Variants in EBF4 observed in about 807,000 individuals in gnomAD.
EBF4 encodes the protein transcription factor COE4.
In EBF4, 34 loss-of-function variants were observed where a neutral mutation model predicts 67.1. The ratio of observed to expected loss-of-function variants is 0.51; its 90% CI spans 0.39 to 0.67. The LOEUF (loss-of-function observed/expected upper bound fraction) is 0.67, where lower values mean the gene tolerates loss of function less well. Ranked by LOEUF, EBF4 falls within the 30% of genes least tolerant of loss-of-function variation. The probability of loss-of-function intolerance (pLI) is 0.00; values close to 1 mark genes in which losing one functional copy is unlikely to be tolerated. For synonymous variants in EBF4, 387 were observed against 377.7 expected (o/e 1.02, Z -0.29); for missense variants, 837 against 873.3 (o/e 0.96, Z 0.52).
At position 2,755,930 on chromosome 20, in the gene EBF4, G is replaced by A; in HGVS notation, c.1738+106G>A. 1.8e-6 allele frequency: 2 copies of A among 1,134,462 alleles called. No homozygotes were observed. Among genetic ancestry groups the A allele is most frequent in the South Asian group, 1.6e-5 (1 of 63,406 alleles). The allele number at this position is 1,134,462 out of a possible 1,614,324, so 70.3% of individuals were successfully genotyped here. On this transcript the variant is annotated intron_variant, in intron 15 of 16. Coordinates refer to ENST00000609451, the Ensembl canonical transcript of EBF4. This position sits in a 1 kb window ranked among gnomAD's most constrained non-coding sequence, Gnocchi z 4.7. ...CACATCTCACCAGTGCCTCATGCTG[G>A]CTAACCTGCTCTTCTTGGAGGACGG...
chr20:2,716,525 G>A (rs558967367), intron 6 of EBF4, among the ~76,000 whole-genome samples: 38 of 133,250 alleles, frequency 2.9e-4, no homozygotes, highest in Admixed American at 6.5e-4. Context: ...GTGAAACTCC[G>A]TCTCAAAAAA....
intron 1 of EBF4, among the ~76,000 whole-genome samples, chr20:2,701,514 G>A (rs1375196364): frequency 1.3e-5 from 2 of 152,250 alleles, no homozygotes; most frequent in African/African-American, 2.4e-5. Flanking sequence ...GGGGCAGCCA[G>A]GACCCAGCAA....
chr20:2,730,963 A>G (rs932943542), intron 6 of EBF4, among the ~76,000 whole-genome samples: 3 of 152,118 alleles, frequency 2.0e-5, no homozygotes, highest in Non-Finnish European at 2.9e-5. Context: ...CAGTGGCGCA[A>G]TCTCGGCTCA....
At chr20:2,733,743 C>T (rs1032343961) in intron 6 of EBF4, among the ~76,000 whole-genome samples, 14 of 150,576 alleles carry the variant, frequency 9.3e-5, no homozygotes, top group African/African-American at 2.9e-4. Flanking sequence ...TTTTGGCTTC[C>T]GTGGGCCATA....
intron 6 of EBF4, among the ~76,000 whole-genome samples, chr20:2,722,789 T>G (rs2087699128): frequency 6.6e-6 from 1 of 152,244 alleles, no homozygotes; most frequent in Non-Finnish European, 1.5e-5. Flanking sequence ...TTTTGTTTTG[T>G]TTTCAGGATA....
At chr20:2,744,492 C>CTTTTTTTTTTTTTTTTT (rs35298353) in intron 6 of EBF4, among the ~76,000 whole-genome samples, 2 of 115,892 alleles carry the variant, frequency 1.7e-5, no homozygotes, top group African/African-American at 6.7e-5. Context: ...TTTTTCTTTT[C>CTTTTTTTTTTTTTTTTT]TTTTTTTTTT....
intron 6 of EBF4, among the ~76,000 whole-genome samples, chr20:2,724,058 A>G (rs1367889750): frequency 6.6e-6 from 1 of 152,242 alleles, no homozygotes; most frequent in African/African-American, 2.4e-5. Context: ...CTAATATTAC[A>G]GTTTTTAGCA....
At chr20:2,725,135 A>T (rs1045474655) in intron 6 of EBF4, among the ~76,000 whole-genome samples, 1 of 152,126 alleles carries the variant, frequency 6.6e-6, no homozygotes, top group Non-Finnish European at 1.5e-5. Context: ...GTCTCTCCTA[A>T]TGTTACATCT....
In EBF4 at chr20:2,751,071, G is replaced by C. The variant is rs932171021; in HGVS notation, c.1019-629G>C. On this transcript the variant is annotated intron_variant, in intron 10 of 16. Coordinates refer to ENST00000609451, the Ensembl canonical transcript of EBF4. The surrounding 1 kb of genome is among the most constrained non-coding windows in gnomAD (Gnocchi z 5.2). ...AAGGGCGTGGGGAGCTGGGTCAGAC[G>C]CGCATACACACACACACCCCTTGCA... Among the ~76,000 whole-genome samples, 2 of 151,838 alleles carry C rather than the reference G, an allele frequency of 1.3e-5. No individual in the cohort carries two copies. The highest frequency in any genetic ancestry group is 6.6e-5 in the Admixed American group (1 of 15,262).
At chr20:2,750,770 G>A (rs1210336024) in intron 10 of EBF4, among the ~76,000 whole-genome samples, 2 of 152,190 alleles carry the variant, frequency 1.3e-5, no homozygotes, top group East Asian at 3.9e-4. Context: ...TGACAATCAA[G>A]GAAAACCTTT....
chr20:2,749,405 T>C, exon 8 of EBF4: 1 of 1,534,182 alleles, frequency 6.5e-7, no homozygotes. Context: ...CCGCAGGTGG[T>C]GGTGTCCACG....
rs957299943 is a variant in EBF4, at chr20:2,705,899, G to A, written c.295-75G>A. On this transcript the variant is annotated intron_variant, in intron 2 of 16. Coordinates refer to ENST00000609451, the Ensembl canonical transcript of EBF4. ...CTGGAAGGGTGGGAAAGAAGTTGGGGTTAGGAGAAGGGGTGGACAAGGGAG... is the reference window on the plus strand; with the variant it reads ...CTGGAAGGGTGGGAAAGAAGTTGGGATTAGGAGAAGGGGTGGACAAGGGAG... 37 of 1,513,760 alleles carry A rather than the reference G, an allele frequency of 2.4e-5. No homozygotes were observed. The Admixed American group carries it at 6.7e-4, about 28-fold the overall frequency. 93.8% of individuals were successfully genotyped at this position (1,513,760 alleles called of 1,614,324 possible).
chr20:2,730,509 A>C (rs148050296), intron 6 of EBF4, among the ~76,000 whole-genome samples: 121 of 152,168 alleles, frequency 8.0e-4, no homozygotes, highest in African/African-American at 2.7e-3. Context: ...AGGTTCTGGG[A>C]TGTAGACATA....
At chr20:2,717,794 C>T (rs936296759) in intron 6 of EBF4, among the ~76,000 whole-genome samples, 2 of 151,392 alleles carry the variant, frequency 1.3e-5, no homozygotes, top group African/African-American at 2.4e-5. Flanking sequence ...TTTGAATATA[C>T]GCAGTGGTAG....
chr20:2,723,560 A>G (rs537404753), intron 6 of EBF4, among the ~76,000 whole-genome samples: 3 of 152,166 alleles, frequency 2.0e-5, no homozygotes, highest in Admixed American at 2.0e-4. Flanking sequence ...CGTGTTAGCC[A>G]GGATGGTCTC....
At chr20:2,713,598 A>T (rs2087571155) in intron 6 of EBF4, among the ~76,000 whole-genome samples, 1 of 152,208 alleles carries the variant, frequency 6.6e-6, no homozygotes, top group African/African-American at 2.4e-5. Flanking sequence ...CAGGTGCAGA[A>T]CAGGTGAGTG....
chr20:2,749,421 G>T, exon 8 of EBF4: 2 of 1,544,898 alleles, frequency 1.3e-6, no homozygotes, highest in Non-Finnish European at 1.7e-6. Flanking sequence ...CCACGACGGT[G>T]AGCGTGGACG....
intron 6 of EBF4, among the ~76,000 whole-genome samples, chr20:2,746,899 G>A (rs951484180): frequency 3.3e-5 from 5 of 152,140 alleles, no homozygotes; most frequent in African/African-American, 9.7e-5. Flanking sequence ...TACTGCAGAC[G>A]TTAGCCCTGC....
rs943991368 is a variant in EBF4 at position 2,755,785 on chromosome 20, C to A, written c.1699C>A (p.Pro567Thr). The change falls in exon 15 of 17, where the codon CCC (proline) becomes ACC (threonine). Residue 567 changes from proline (P) to threonine (T), a missense_variant. Transcript: ENST00000609451. This position sits in a 1 kb window ranked among gnomAD's most constrained non-coding sequence, Gnocchi z 4.7. ...CGTGCTGCGCCCCCCAAGCTCCCCA[C>A]CCCAGGCCTGCCCCAGAGCCCACGG... is the stretch of plus-strand genomic sequence containing the variant. 4.8e-5 allele frequency: 75 copies of A among 1,549,636 alleles called. 1 individual carries two copies. The highest frequency in any genetic ancestry group is 6.1e-5 in the Non-Finnish European group (70 of 1,146,952).
Sources: allele counts gnomAD v4.1 joint callset (sites outside exome capture counted in the v4.1 genomes callset), GRCh38; gene constraint gnomAD v4.1.1; non-coding constraint Gnocchi (gnomAD v3.1); transcripts MANE v1.5; gene names NCBI Gene and HGNC (gene_info 2026-07-23, HGNC 2026-07-21).